ZNF184: variants seen among roughly 807,000 people sequenced by gnomAD.
ZNF184 encodes the protein zinc finger protein 184.
In ZNF184, 16 loss-of-function variants were observed where a neutral mutation model predicts 54.4. That is an observed-to-expected ratio of 0.29 (90% CI 0.20 to 0.45). The LOEUF is 0.45. Ranked by LOEUF, ZNF184 falls within the 20% of genes least tolerant of loss-of-function variation. The probability of loss-of-function intolerance (pLI) is 1.00; values close to 1 mark genes in which losing one functional copy is unlikely to be tolerated. For missense variants in ZNF184, 681 were observed against 888.2 expected, an observed-to-expected ratio of 0.77 and a Z score of 2.97; for synonymous variants, 254 against 295.3, an observed-to-expected ratio of 0.86 and a Z score of 1.43.
intron 3 of ZNF184, among the ~76,000 whole-genome samples, 164 bp from the exon 4 acceptor site, chr6:27,457,573 G>C (rs1167167805): frequency 6.6e-6 from 1 of 152,090 alleles, no homozygotes; most frequent in Non-Finnish European, 1.5e-5. Context: ...TCATCCATTG[G>C]GTTATTGTGA....
At chr6:27,458,613 G>A (rs989937046) in intron 3 of ZNF184, among the ~76,000 whole-genome samples, 5 of 151,698 alleles carry the variant, frequency 3.3e-5, no homozygotes, top group African/African-American at 1.2e-4. Context: ...TGCTGGCAAG[G>A]ATACAACACT....
In ZNF184 at chr6:27,452,275, G is replaced by A. The variant is rs1265632485; in HGVS notation, c.1284C>T (p.Ser428=). 1 of 1,613,808 alleles carries A rather than the reference G, an allele frequency of 6.2e-7. No individual in the cohort carries two copies. The highest frequency in any genetic ancestry group is 8.5e-7 in the Non-Finnish European group (1 of 1,179,960). ...YECNECGKAF[S]QHSNLTQHQK... ...GATGCTGAGTGAGGTTTGAGTGCTG[G>A]CTGAAGGCTTTCCCACATTCATTGC... Residue 428 remains serine, a synonymous_variant, in exon 6 of 6, where the codon AGC becomes AGT. Coordinates refer to ENST00000683788, the MANE Select transcript of ZNF184 (RefSeq NM_001318891.2). The surrounding 1 kb of genome is among the most constrained non-coding windows in gnomAD (Gnocchi z 5.5).
chr6:27,440,866 G>A, the ZNF184 span, among the ~76,000 whole-genome samples: 1 of 152,038 alleles, frequency 6.6e-6, no homozygotes, highest in Non-Finnish European at 1.5e-5. Flanking sequence ...TTAGCCGGGC[G>A]TGGTGGTGGG....
intron 3 of ZNF184, among the ~76,000 whole-genome samples, chr6:27,458,751 C>T (rs1039660397): frequency 6.6e-6 from 1 of 152,142 alleles, no homozygotes; most frequent in Non-Finnish European, 1.5e-5. Context: ...TGAAGGAAAT[C>T]AGTATACCAA....
downstream of ZNF184, among the ~76,000 whole-genome samples, chr6:27,446,219 T>C (rs1475908222): frequency 6.6e-6 from 1 of 152,154 alleles, no homozygotes; most frequent in Non-Finnish European, 1.5e-5. Flanking sequence ...TCTTCAAGTC[T>C]GCCCCTACAA....
At chr6:27,422,148 AAAAGAAAGAAAGAAAGAAAGAAAG>A in the ZNF184 span, among the ~76,000 whole-genome samples, 5 of 43,456 alleles carry the variant, frequency 1.2e-4, no homozygotes, top group South Asian at 2.8e-3. Flanking sequence ...CTCAAAAAAA[AAAAGAAAGAAAGAAAGAAAGAAAG>A]AAAGAAAGAA....
At chr6:27,456,265 GA>G (rs5875142) in intron 5 of ZNF184, among the ~76,000 whole-genome samples, 2 of 149,162 alleles carry the variant, frequency 1.3e-5, no homozygotes, top group African/African-American at 4.9e-5. Context: ...TTCAAAAAAA[GA>G]AAAAAAAAAT....
chr6:27,452,128 A>G lies in ZNF184; in HGVS notation c.1431T>C (p.Asn477=), dbSNP rs1762744053. The stretch of plus-strand genomic sequence containing the variant: ...AGTAACTGAAGGCCTTTCCACATTC[A>G]TTGCATTTGTAAGGTTTTTCTCCAG... ...IHTGEKPYKC[N]ECGKAFSYCS... Residue 477 remains asparagine, a synonymous_variant, in exon 6 of 6, where the codon AAT becomes AAC. Transcript: ENST00000683788. The surrounding 1 kb of genome is among the most constrained non-coding windows in gnomAD (Gnocchi z 5.5). 1 of 1,614,070 alleles carries G rather than the reference A, an allele frequency of 6.2e-7. No homozygotes were observed. The highest frequency in any genetic ancestry group is 1.3e-5 in the African/African-American group (1 of 75,048).
At chr6:27,463,583 A>C (rs1763053857) in intron 3 of ZNF184, among the ~76,000 whole-genome samples, 1 of 152,120 alleles carries the variant, frequency 6.6e-6, no homozygotes, top group Non-Finnish European at 1.5e-5. Flanking sequence ...ATAACAGCTG[A>C]TTATTTTCCA....
rs1006849314 is a variant in ZNF184, at chr6:27,467,927, G to A, written c.8-7C>T. ...GAGTCTGGAGAGGACAGATCTAGGG[G>A]GAGAAGCAGGAGCCATATGACTTCT... On this transcript the variant is annotated splice_polypyrimidine_tract_variant and splice_region_variant and intron_variant, in intron 2 of 5. Coordinates refer to ENST00000683788, the MANE Select transcript of ZNF184 (RefSeq NM_001318891.2). 4 of 1,592,158 alleles carry A rather than the reference G, an allele frequency of 2.5e-6. No homozygotes were observed. The highest frequency in any genetic ancestry group is 2.7e-5 in the African/African-American group (2 of 73,834).
At chr6:27,419,055 T>C in the ZNF184 span, among the ~76,000 whole-genome samples, 1 of 152,132 alleles carries the variant, frequency 6.6e-6, no homozygotes, top group African/African-American at 2.4e-5. This position sits in a 1 kb window ranked among gnomAD's most constrained non-coding sequence, Gnocchi z 4.8. Context: ...TTTTTTTCTA[T>C]ATTCACGGCT....
At chr6:27,425,242 C>T in the ZNF184 span, among the ~76,000 whole-genome samples, 1 of 152,234 alleles carries the variant, frequency 6.6e-6, no homozygotes, top group African/African-American at 2.4e-5. Context: ...AGGGAGCCGG[C>T]TCTGGCCTTT....
the ZNF184 span, among the ~76,000 whole-genome samples, chr6:27,436,065 G>A: frequency 2.0e-5 from 3 of 152,104 alleles, no homozygotes; most frequent in Non-Finnish European, 4.4e-5. Flanking sequence ...AAGGTTTTTG[G>A]TCTTTCACCA....
downstream of ZNF184, among the ~76,000 whole-genome samples, chr6:27,449,515 G>A (rs1762675359): frequency 6.6e-6 from 1 of 152,224 alleles, no homozygotes. Context: ...CACTTTGGGA[G>A]GTCAAGGCAG....
chr6:27,436,277 C>T, the ZNF184 span, among the ~76,000 whole-genome samples: 10 of 152,082 alleles, frequency 6.6e-5, no homozygotes, highest in Admixed American at 3.9e-4. Context: ...AATTCTTGTG[C>T]GTCAGCCTCC....
chr6:27,422,906 G>C, the ZNF184 span, among the ~76,000 whole-genome samples: 2 of 152,302 alleles, frequency 1.3e-5, no homozygotes, highest in Admixed American at 1.3e-4. Context: ...GCCGGATTCA[G>C]TGTCTGTCGT....
At chr6:27,467,724 C>A (rs1763175758) in intron 3 of ZNF184, 129 bp downstream of exon 3, 1 of 779,124 alleles carries the variant, frequency 1.3e-6, no homozygotes, top group Non-Finnish European at 2.0e-6. Context: ...AATGCGGTTA[C>A]TAGACAGATG....
chr6:27,431,367 T>C, the ZNF184 span, among the ~76,000 whole-genome samples: 2 of 152,204 alleles, frequency 1.3e-5, no homozygotes, highest in African/African-American at 4.8e-5. Context: ...CCCCATTCCC[T>C]CCCCTCACCA....
intron 2 of ZNF184, among the ~76,000 whole-genome samples, chr6:27,469,651 A>G (rs959908296): frequency 6.6e-6 from 1 of 152,178 alleles, no homozygotes; most frequent in African/African-American, 2.4e-5. Flanking sequence ...AAAAACAAAA[A>G]AAAAAAATTT....
Sources: allele counts gnomAD v4.1 joint callset (sites outside exome capture counted in the v4.1 genomes callset), GRCh38; gene constraint gnomAD v4.1.1; non-coding constraint Gnocchi (gnomAD v3.1); transcripts MANE v1.5; gene names NCBI Gene and HGNC (gene_info 2026-07-23, HGNC 2026-07-21).